AK5: variants seen among roughly 807,000 people sequenced by gnomAD.
The protein encoded by AK5 is adenylate kinase 5.
AK5 carries 27 observed loss-of-function variants against 69.5 expected under a neutral mutation model. That is an observed-to-expected ratio of 0.39 (90% CI 0.29 to 0.54). The LOEUF is 0.54. Ranked by LOEUF, AK5 falls within the 20% of genes least tolerant of loss-of-function variation. The pLI is 0.71. For synonymous variants in AK5, 260 were observed against 244.4 expected (o/e 1.06, Z -0.60); for missense variants, 531 against 700.4 (o/e 0.76, Z 2.73).
At chr1:77,529,908 C>T (rs1658487117) in intron 12 of AK5, among the ~76,000 whole-genome samples, 1 of 152,146 alleles carries the variant, frequency 6.6e-6, no homozygotes, top group Admixed American at 6.6e-5. Context: ...CCAAAAGACT[C>T]TTAGCTGAAA....
chr1:77,330,848 G>T (rs956672973), intron 5 of AK5, among the ~76,000 whole-genome samples: 3 of 152,106 alleles, frequency 2.0e-5, no homozygotes, highest in African/African-American at 7.2e-5. Flanking sequence ...CATGAATATG[G>T]CACATGCCTC....
chr1:77,498,979 C>T (rs1333154188), intron 10 of AK5, among the ~76,000 whole-genome samples: 1 of 152,152 alleles, frequency 6.6e-6, no homozygotes, highest in Non-Finnish European at 1.5e-5. Flanking sequence ...TCTCTGAAGC[C>T]CTGGGCTTAA....
chr1:77,470,527 A>G (rs976211501), intron 8 of AK5, among the ~76,000 whole-genome samples: 8 of 152,068 alleles, frequency 5.3e-5, no homozygotes. Flanking sequence ...TATTAGTAAC[A>G]ACACATCTCT....
At chr1:77,282,981 C>T (rs1658144931) in intron 1 of AK5, 4 of 985,392 alleles carry the variant, frequency 4.1e-6, no homozygotes, top group African/African-American at 3.5e-5. Flanking sequence ...ACGTTTTTCC[C>T]GTTGCCTAGG....
At position 77,526,465 on chromosome 1, in the gene AK5, C is replaced by CTT. The variant is rs917395853; in HGVS notation, c.1428+4549_1428+4550dup. On this transcript the variant is annotated intron_variant, in intron 12 of 13. Transcript: ENST00000354567. ...GTTTGGAAGCGATGGGAATAAAAGT[C>CTT]TTTTTTTTTTTTTTTTTTTTTTTTT... 2.6e-3 allele frequency among the ~76,000 whole-genome samples: 224 copies of CTT among 84,668 alleles called. 2 individuals are homozygous for CTT. The highest frequency in any genetic ancestry group is 3.0e-3 in the Non-Finnish European group (127 of 42,134). 55.5% of individuals were successfully genotyped at this position (84,668 alleles called of 152,430 possible).
chr1:77,544,954 C>T (rs1429543375), intron 13 of AK5, among the ~76,000 whole-genome samples: 1 of 152,202 alleles, frequency 6.6e-6, no homozygotes, highest in Admixed American at 6.6e-5. Flanking sequence ...ACACCAGCAT[C>T]ACCACAAACA....
chr1:77,542,950 TGA>T (rs1364874536), intron 13 of AK5, among the ~76,000 whole-genome samples: 1 of 151,926 alleles, frequency 6.6e-6, no homozygotes, highest in Non-Finnish European at 1.5e-5. Flanking sequence ...TCATTAAACA[TGA>T]GTTTTGCAGA....
intron 5 of AK5, among the ~76,000 whole-genome samples, chr1:77,325,161 G>GTTTTTTTTT (rs369801549): frequency 1.5e-4 from 18 of 123,200 alleles, no homozygotes; most frequent in East Asian, 2.3e-4. Context: ...TAGGTTTTTT[G>GTTTTTTTTT]TTTTTTTTTT....
At chr1:77,299,107 A>C (rs567467902) in intron 5 of AK5, among the ~76,000 whole-genome samples, 4 of 152,256 alleles carry the variant, frequency 2.6e-5, no homozygotes, top group Non-Finnish European at 4.4e-5. Context: ...ATGTTGAATG[A>C]CAGTATCTTT....
intron 8 of AK5, among the ~76,000 whole-genome samples, chr1:77,446,562 C>T (rs778828537): frequency 1.3e-4 from 20 of 152,120 alleles, no homozygotes; most frequent in Admixed American, 3.3e-4. Context: ...TCCATGAGCA[C>T]TTATTTGTAT....
chr1:77,373,656 G>A (rs1403356265), intron 6 of AK5, among the ~76,000 whole-genome samples: 1 of 151,946 alleles, frequency 6.6e-6, no homozygotes, highest in Admixed American at 6.6e-5. Context: ...AACCCGGGAG[G>A]TGGAGGTTGC....
intron 5 of AK5, among the ~76,000 whole-genome samples, chr1:77,326,930 A>G (rs977308782): frequency 1.3e-5 from 2 of 152,208 alleles, no homozygotes; most frequent in Admixed American, 1.3e-4. Flanking sequence ...ATTCTTCTCA[A>G]TCTTTGCTTC....
chr1:77,345,842 T>C (rs2100397130), intron 6 of AK5, among the ~76,000 whole-genome samples: 1 of 152,288 alleles, frequency 6.6e-6, no homozygotes, highest in African/African-American at 2.4e-5. Context: ...AACGCAAGGA[T>C]TGGGGTGCCA....
chr1:77,517,747 A>G (rs1408279294), intron 10 of AK5, among the ~76,000 whole-genome samples: 1 of 152,216 alleles, frequency 6.6e-6, no homozygotes, highest in Non-Finnish European at 1.5e-5. Context: ...CAAAATAACT[A>G]TTCATAATCT....
intron 5 of AK5, among the ~76,000 whole-genome samples, chr1:77,304,590 A>G (rs1659531985): frequency 6.6e-6 from 1 of 152,062 alleles, no homozygotes; most frequent in Non-Finnish European, 1.5e-5. Flanking sequence ...TTTTTAGTAG[A>G]CACGGGGTTT....
At chr1:77,390,651 A>G (rs1648360251) in intron 6 of AK5, among the ~76,000 whole-genome samples, 1 of 152,216 alleles carries the variant, frequency 6.6e-6, no homozygotes. Flanking sequence ...AGTAGAAAGG[A>G]TTTTATTTCA....
intron 6 of AK5, among the ~76,000 whole-genome samples, chr1:77,381,471 A>G (rs1205694779): frequency 4.4e-5 from 3 of 68,802 alleles, no homozygotes; most frequent in African/African-American, 1.6e-4. Context: ...CCAGCTATGT[A>G]CAAGACACAT....
intron 8 of AK5, among the ~76,000 whole-genome samples, chr1:77,465,432 C>A (rs747672726): frequency 6.6e-6 from 1 of 152,056 alleles, no homozygotes; most frequent in Non-Finnish European, 1.5e-5. Flanking sequence ...TAAAAAGAAA[C>A]AAAAGAAAGT....
intron 6 of AK5, among the ~76,000 whole-genome samples, chr1:77,398,963 T>A (rs1232464999): frequency 2.0e-5 from 3 of 152,194 alleles, no homozygotes; most frequent in African/African-American, 7.2e-5. Flanking sequence ...AATCACCCTA[T>A]TTTCTGGGCT....
Sources: allele counts gnomAD v4.1 joint callset (sites outside exome capture counted in the v4.1 genomes callset), GRCh38; gene constraint gnomAD v4.1.1; transcripts MANE v1.5; gene names NCBI Gene and HGNC (gene_info 2026-07-23, HGNC 2026-07-21).